Variants in ASAP2 observed in about 807,000 individuals in gnomAD.
ASAP2 encodes ArfGAP with SH3 domain, ankyrin repeat and PH domain 2.
A neutral mutation model predicts 131.4 loss-of-function variants in ASAP2; 45 were observed. The ratio of observed to expected loss-of-function variants is 0.34; its 90% CI spans 0.27 to 0.44. The LOEUF (loss-of-function observed/expected upper bound fraction) is 0.44, where lower values mean the gene tolerates loss of function less well. Ranked by LOEUF, ASAP2 falls within the 20% of genes least tolerant of loss-of-function variation. The pLI is 1.00. For missense variants in ASAP2, 1,011 were observed against 1,297.0 expected, an observed-to-expected ratio of 0.78 and a Z score of 3.39; for synonymous variants, 510 against 503.0, an observed-to-expected ratio of 1.01 and a Z score of -0.19.
At position 9,401,327 on chromosome 2, in the gene ASAP2, C is replaced by A. The variant is rs768474225; in HGVS notation, c.2877C>A (p.Asn959Lys). ...CGCTCTATAACTGTGTGGCTGACAA[C>A]CCCGATGAGCTCACCTTCTCCGAGG... ...VKALYNCVAD[N>K]PDELTFSEGD... Residue 959 changes from asparagine (N) to lysine (K), a missense_variant, in exon 27 of 28, where the codon AAC becomes AAA. By Grantham distance (94) the Asn-to-Lys change is moderately conservative (BLOSUM62 0). Around this residue, in one of 2 missense-constraint regions of ASAP2, gnomAD observed 652 missense variants for 698.9 expected, o/e 0.93. Coordinates refer to ENST00000281419, the MANE Select transcript of ASAP2 (RefSeq NM_003887.3). 2 of 1,613,614 alleles carry A rather than the reference C, an allele frequency of 1.2e-6. No individual in the cohort carries two copies. The highest frequency in any genetic ancestry group is 2.2e-5 in the South Asian group (2 of 91,080).
intron 1 of ASAP2, among the ~76,000 whole-genome samples, chr2:9,261,144 G>A (rs1207736883): frequency 6.6e-6 from 1 of 152,212 alleles, no homozygotes; most frequent in Non-Finnish European, 1.5e-5. Context: ...CCCCTTGCCT[G>A]TAGCTGGGCT....
intron 1 of ASAP2, among the ~76,000 whole-genome samples, chr2:9,222,789 G>A (rs2136841): frequency 1.3e-5 from 2 of 151,866 alleles, no homozygotes; most frequent in Admixed American, 6.6e-5. Flanking sequence ...AGAAATGGCC[G>A]TTCACCTTTT....
At chr2:9,355,946 G>C in intron 12 of ASAP2, 101 bp from the exon 13 acceptor site, 1 of 1,399,228 alleles carries the variant, frequency 7.1e-7, no homozygotes, top group Non-Finnish European at 1.0e-6. Flanking sequence ...TCGTAACAGA[G>C]AGCTAAGATT....
intron 1 of ASAP2, among the ~76,000 whole-genome samples, chr2:9,240,543 G>C (rs1663890448): frequency 1.3e-5 from 2 of 152,076 alleles, no homozygotes; most frequent in Non-Finnish European, 1.5e-5. Flanking sequence ...ACCGTGCCCA[G>C]CCCCTCCCAA....
chr2:9,402,029 G>A (rs557232398), intron 27 of ASAP2, among the ~76,000 whole-genome samples: 49 of 152,288 alleles, frequency 3.2e-4, no homozygotes, highest in Non-Finnish European at 5.6e-4. Flanking sequence ...TGAATGGGGC[G>A]TGGACAGAAA....
intron 2 of ASAP2, among the ~76,000 whole-genome samples, chr2:9,291,792 T>C (rs1363211431): frequency 6.6e-6 from 1 of 152,096 alleles, no homozygotes; most frequent in Non-Finnish European, 1.5e-5. Context: ...TGGGGCTGGG[T>C]AGCCATAAGG....
intron 1 of ASAP2, among the ~76,000 whole-genome samples, chr2:9,265,361 A>G (rs1019798991): frequency 2.0e-5 from 3 of 152,222 alleles, no homozygotes; most frequent in Non-Finnish European, 4.4e-5. Flanking sequence ...CCCCATGGAG[A>G]CCGAGGGACT....
chr2:9,275,644 G>A lies in ASAP2; in HGVS notation c.127-3673G>A, dbSNP rs561322871. On this transcript the variant is annotated intron_variant, in intron 1 of 27. Transcript: ENST00000281419. The stretch of plus-strand genomic sequence containing the variant: ...TGATCCATTACCCTCCCTGTGGCCT[G>A]AGTAACCTTCAAGCACAGCTCCCGT... 5.9e-5 allele frequency among the ~76,000 whole-genome samples: 9 copies of A among 152,276 alleles called. No individual in the cohort carries two copies. The East Asian group carries it at 1.5e-3, about 26-fold the overall frequency.
chr2:9,402,317 GT>G (rs1218542018), intron 27 of ASAP2, among the ~76,000 whole-genome samples: 1 of 152,188 alleles, frequency 6.6e-6, no homozygotes, highest in Non-Finnish European at 1.5e-5. Flanking sequence ...CTGTGGCCTC[GT>G]TTGCCCTTAA....
chr2:9,375,734 G>A (rs1163776472), intron 17 of ASAP2, among the ~76,000 whole-genome samples: 1 of 152,220 alleles, frequency 6.6e-6, no homozygotes, highest in Non-Finnish European at 1.5e-5. Flanking sequence ...TCCAGGTGGA[G>A]GAGAAGACAT....
chr2:9,305,458 T>TAGTAGTGGGGTATAGATATTGGTGG, intron 3 of ASAP2, among the ~76,000 whole-genome samples: 1 of 15,350 alleles, frequency 6.5e-5, no homozygotes, highest in East Asian at 2.0e-3. Flanking sequence ...GATATTGGTG[T>TAGTAGTGGGGTATAGATATTGGTGG]AGAGGCTGTA....
At chr2:9,242,167 G>C (rs1234285353) in intron 1 of ASAP2, among the ~76,000 whole-genome samples, 1 of 151,930 alleles carries the variant, frequency 6.6e-6, no homozygotes, top group Non-Finnish European at 1.5e-5. Context: ...TTTTTTATTT[G>C]GCCAGACAGT....
intron 25 of ASAP2, 137 bp from the exon 26 acceptor site, chr2:9,400,604 GA>G: frequency 1.3e-6 from 1 of 745,392 alleles, no homozygotes; most frequent in South Asian, 1.6e-5. Context: ...ATCCAAGTCA[GA>G]AGGTTCCCTT....
At chr2:9,352,233 ACACACACACAC>A in intron 12 of ASAP2, among the ~76,000 whole-genome samples, 1 of 151,380 alleles carries the variant, frequency 6.6e-6, no homozygotes, top group African/African-American at 2.4e-5. Context: ...ACACACACAC[ACACACACACAC>A]ACAAACACAC....
chr2:9,296,530 G>T (rs12464411), intron 2 of ASAP2, among the ~76,000 whole-genome samples: 5 of 152,194 alleles, frequency 3.3e-5, no homozygotes, highest in African/African-American at 1.2e-4. Context: ...GTAAGCACCT[G>T]GTATGTTTTT....
At chr2:9,271,279 A>G in intron 1 of ASAP2, 2 of 769,378 alleles carry the variant, frequency 2.6e-6, no homozygotes, top group Non-Finnish European at 2.4e-6. Flanking sequence ...AGTGAGCCAC[A>G]AGCATTTAAA....
chr2:9,343,088 A>G (rs1381172170), intron 9 of ASAP2, among the ~76,000 whole-genome samples: 1 of 152,124 alleles, frequency 6.6e-6, no homozygotes, highest in Non-Finnish European at 1.5e-5. Flanking sequence ...CAATGATGAG[A>G]GTGGCCCTAG....
intron 19 of ASAP2, among the ~76,000 whole-genome samples, chr2:9,379,894 A>G (rs1462183577): frequency 6.6e-6 from 1 of 151,546 alleles, no homozygotes; most frequent in African/African-American, 2.4e-5. Flanking sequence ...TGGGAGGCTG[A>G]GGCAGGAGAA....
chr2:9,227,416 G>A (rs772268802), intron 1 of ASAP2, among the ~76,000 whole-genome samples: 47 of 152,140 alleles, frequency 3.1e-4, no homozygotes, highest in African/African-American at 1.1e-3. Context: ...TCCTGTGTTT[G>A]TGTTCTTATT....
Sources: allele counts gnomAD v4.1 joint callset (sites outside exome capture counted in the v4.1 genomes callset), GRCh38; gene constraint gnomAD v4.1.1; regional missense constraint gnomAD v4.1.1; transcripts MANE v1.5; gene names NCBI Gene and HGNC (gene_info 2026-07-23, HGNC 2026-07-21).